Variants in CNTNAP5 observed in about 807,000 individuals in gnomAD.
CNTNAP5 encodes contactin associated protein family member 5.
In CNTNAP5, 72 loss-of-function variants were observed where a neutral mutation model predicts 150.2. That is an observed-to-expected ratio of 0.48 (90% CI 0.40 to 0.58). The LOEUF (loss-of-function observed/expected upper bound fraction) is 0.58, where lower values mean the gene tolerates loss of function less well. Ranked by LOEUF, CNTNAP5 falls within the 20% of genes least tolerant of loss-of-function variation. The pLI is 0.00. For synonymous variants in CNTNAP5, 672 were observed against 619.8 expected (o/e 1.08, Z -1.25); for missense variants, 1,636 against 1,626.2 (o/e 1.01, Z -0.10).
chr2:124,435,719 A>C (rs1692515851), intron 5 of CNTNAP5, among the ~76,000 whole-genome samples: 1 of 152,206 alleles, frequency 6.6e-6, no homozygotes, highest in South Asian at 2.1e-4. Flanking sequence ...ACATTTTAGC[A>C]ATTAGCTGGA....
intron 1 of CNTNAP5, among the ~76,000 whole-genome samples, chr2:124,204,053 G>A (rs902477686): frequency 1.3e-5 from 2 of 152,080 alleles, no homozygotes; most frequent in African/African-American, 4.8e-5. Context: ...CTTAAACATG[G>A]GTTCCAATTC....
intron 8 of CNTNAP5, among the ~76,000 whole-genome samples, chr2:124,523,072 C>T (rs114927466): frequency 0.015 from 2,346 of 152,264 alleles, 31 homozygotes; most frequent in Non-Finnish European, 0.024. Flanking sequence ...AATGGACTAC[C>T]CTAGGGTAGA....
At chr2:124,096,811 C>T (rs986878453) in intron 1 of CNTNAP5, among the ~76,000 whole-genome samples, 1 of 152,002 alleles carries the variant, frequency 6.6e-6, no homozygotes, top group East Asian at 1.9e-4. Context: ...TCTAGCAATT[C>T]CCCTGCCTCA....
intron 3 of CNTNAP5, among the ~76,000 whole-genome samples, chr2:124,327,692 T>A (rs977191516): frequency 6.6e-6 from 1 of 152,160 alleles, no homozygotes; most frequent in Non-Finnish European, 1.5e-5. Flanking sequence ...AATCAGAAAA[T>A]TTTAAAATCT....
chr2:124,719,337 G>A (rs375601334), intron 13 of CNTNAP5, among the ~76,000 whole-genome samples: 1 of 152,122 alleles, frequency 6.6e-6, no homozygotes, highest in Non-Finnish European at 1.5e-5. Context: ...TGCACACAAA[G>A]ATTTTTAATT....
At chr2:124,618,656 T>G (rs1677539762) in intron 12 of CNTNAP5, among the ~76,000 whole-genome samples, 1 of 152,044 alleles carries the variant, frequency 6.6e-6, no homozygotes, top group African/African-American at 2.4e-5. Flanking sequence ...ATAGAATGCT[T>G]TTAGTCAGCC....
intron 2 of CNTNAP5, among the ~76,000 whole-genome samples, chr2:124,223,152 A>G (rs1484333483): frequency 6.6e-6 from 1 of 152,164 alleles, no homozygotes; most frequent in Non-Finnish European, 1.5e-5. Flanking sequence ...TTCCCAAGAC[A>G]GAAAAACTAG....
At chr2:124,262,321 T>C (rs576317965) in intron 3 of CNTNAP5, among the ~76,000 whole-genome samples, 18 of 152,262 alleles carry the variant, frequency 1.2e-4, no homozygotes, top group African/African-American at 4.3e-4. Context: ...AAGTATGATA[T>C]GAATCAATTA....
At chr2:124,599,317 G>C (rs961336060) in intron 11 of CNTNAP5, among the ~76,000 whole-genome samples, 2 of 152,020 alleles carry the variant, frequency 1.3e-5, no homozygotes, top group South Asian at 4.2e-4. Context: ...GATTTGAGTT[G>C]CCTTTATCAA....
At chr2:124,413,309 G>A (rs1168739183) in intron 3 of CNTNAP5, among the ~76,000 whole-genome samples, 1 of 151,416 alleles carries the variant, frequency 6.6e-6, no homozygotes, top group African/African-American at 2.4e-5. Flanking sequence ...CAACCATTGT[G>A]GAAGTCATTG....
chr2:124,440,900 A>G (rs1692657630), intron 5 of CNTNAP5, among the ~76,000 whole-genome samples: 2 of 152,166 alleles, frequency 1.3e-5, no homozygotes, highest in Admixed American at 6.5e-5. Flanking sequence ...TGAACCTCAA[A>G]TGCCACTGAG....
At chr2:124,464,825 G>A (rs879516289) in intron 6 of CNTNAP5, among the ~76,000 whole-genome samples, 1 of 152,074 alleles carries the variant, frequency 6.6e-6, no homozygotes, top group Non-Finnish European at 1.5e-5. Context: ...CTTTTGAAGG[G>A]CCATGAGCTT....
intron 6 of CNTNAP5, among the ~76,000 whole-genome samples, chr2:124,469,657 T>A (rs1302767369): frequency 6.6e-6 from 1 of 152,116 alleles, no homozygotes; most frequent in Non-Finnish European, 1.5e-5. Flanking sequence ...AGTGATTAGC[T>A]GCACAGAGCA....
chr2:124,702,518 G>C (rs147661080), intron 13 of CNTNAP5, among the ~76,000 whole-genome samples: 29 of 151,674 alleles, frequency 1.9e-4, no homozygotes, highest in African/African-American at 6.8e-4. Context: ...GACTTAGTGA[G>C]TGAGAGGTTA....
Position 124,919,892 on chromosome 2 carries a change from T to C in CNTNAP5, c.*5604T>C, listed in dbSNP as rs1287259969. 6.6e-6 allele frequency among the ~76,000 whole-genome samples: 1 copy of C among 152,018 alleles called. No homozygotes were observed. The highest frequency in any genetic ancestry group is 2.4e-5 in the African/African-American group (1 of 41,416). On this transcript the variant is annotated 3_prime_UTR_variant, in exon 24 of 24. Coordinates refer to ENST00000682447, the MANE Select transcript of CNTNAP5 (RefSeq NM_001367498.1). ...CTGTCAGAAAACTGCCCTAGGTCTA[T>C]TATCAATCAGAGCCCCTGTGAGTGG...
chr2:124,105,628 T>C (rs2104700793), intron 1 of CNTNAP5, among the ~76,000 whole-genome samples: 1 of 152,374 alleles, frequency 6.6e-6, no homozygotes, highest in East Asian at 1.9e-4. Context: ...TTATTGTTCA[T>C]TGTTGCCATT....
Position 124,454,849 on chromosome 2 carries a change from A to G in CNTNAP5, c.918+7912A>G, listed in dbSNP as rs546303740. Among the ~76,000 whole-genome samples the G allele has an allele frequency of 9.2e-5, 14 of 152,264 alleles. No homozygotes were observed. The South Asian group carries it at 2.5e-3, about 27-fold the overall frequency. ...TAAAAAATTTTTTGAACTGAATGAC[A>G]GTAGTCATTCACAACCTATCAAAAC... On this transcript the variant is annotated intron_variant, in intron 6 of 23. Transcript: ENST00000682447.
At chr2:124,201,846 C>A (rs993199349) in intron 1 of CNTNAP5, among the ~76,000 whole-genome samples, 2 of 152,194 alleles carry the variant, frequency 1.3e-5, no homozygotes, top group African/African-American at 4.8e-5. Flanking sequence ...AGCAATATTT[C>A]AATACATTTT....
intron 13 of CNTNAP5, among the ~76,000 whole-genome samples, chr2:124,728,029 G>T (rs1349418693): frequency 2.6e-5 from 4 of 151,880 alleles, no homozygotes; most frequent in African/African-American, 9.7e-5. Context: ...GTTGAATTTT[G>T]CAAATATTTT....
Sources: allele counts gnomAD v4.1 joint callset (sites outside exome capture counted in the v4.1 genomes callset), GRCh38; gene constraint gnomAD v4.1.1; transcripts MANE v1.5; gene names NCBI Gene and HGNC (gene_info 2026-07-23, HGNC 2026-07-21).